Variants in GBE1 observed in about 807,000 individuals in gnomAD.
GBE1 encodes 1,4-alpha-glucan-branching enzyme.
A neutral mutation model predicts 88.8 loss-of-function variants in GBE1; 70 were observed. The observed-to-expected ratio is 0.79, with a 90% CI of 0.65 to 0.96. The LOEUF is 0.96. GBE1 is among the 40% of genes least tolerant of loss of function. The pLI is 0.00. For synonymous variants in GBE1, 284 were observed against 300.1 expected (o/e 0.95, Z 0.56); for missense variants, 872 against 871.0 (o/e 1.00, Z -0.01).
intron 3 of GBE1, among the ~76,000 whole-genome samples, chr3:81,658,418 TTATAAA>T (rs1457154358): frequency 6.6e-6 from 1 of 152,104 alleles, no homozygotes; most frequent in Non-Finnish European, 1.5e-5. Context: ...AATTAGAGAA[TTATAAA>T]TATATTACAA....
chr3:81,734,922 T>C (rs576347428), intron 1 of GBE1, among the ~76,000 whole-genome samples: 5 of 152,318 alleles, frequency 3.3e-5, no homozygotes, highest in South Asian at 2.1e-4. Flanking sequence ...CTGTGTGTCA[T>C]TGAGAATAGT....
At chr3:81,491,957 T>C (rs1702441970) in intron 15 of GBE1, among the ~76,000 whole-genome samples, 1 of 152,228 alleles carries the variant, frequency 6.6e-6, no homozygotes, top group African/African-American at 2.4e-5. Flanking sequence ...ACATCAAAAG[T>C]TAAAGCAGTT....
chr3:81,602,867 A>T (rs1445794242), intron 7 of GBE1, among the ~76,000 whole-genome samples: 1 of 152,190 alleles, frequency 6.6e-6, no homozygotes, highest in Non-Finnish European at 1.5e-5. Context: ...CTTTTGAGAC[A>T]GTCTTTCCAG....
chr3:81,608,159 G>A (rs1432999356), intron 7 of GBE1, among the ~76,000 whole-genome samples: 4 of 152,126 alleles, frequency 2.6e-5, no homozygotes, highest in African/African-American at 7.2e-5. Context: ...AGGGTTTTCT[G>A]GGTCAGTGTT....
rs775630334 is a variant in GBE1, at chr3:81,705,542, C to A, written c.215G>T (p.Gly72Val). ...NEGGIDKFSR[G>V]YESFGVHRCA... ...TCTGTGGACGCCAAATGATTCATAG[C>A]CTCTGGAAAACTTATCAATACCACC... The change falls in exon 2 of 16, where the codon GGC becomes GTC. Residue 72 changes from glycine (G) to valine (V), a missense_variant. Transcript: ENST00000429644. The A allele has an allele frequency of 1.2e-5, 19 of 1,596,576 alleles. No homozygotes were observed. The highest frequency in any genetic ancestry group is 1.6e-5 in the Non-Finnish European group (19 of 1,170,684).
intron 3 of GBE1, 40 bp downstream of exon 3, chr3:81,670,798 A>C: frequency 9.1e-7 from 1 of 1,093,868 alleles, no homozygotes; most frequent in Non-Finnish European, 1.3e-6. Context: ...GATAAAAAGA[A>C]AATGATAAGT....
At chr3:81,589,505 C>CT (rs201485327) in intron 9 of GBE1, among the ~76,000 whole-genome samples, 17 of 149,330 alleles carry the variant, frequency 1.1e-4, no homozygotes, top group East Asian at 2.0e-4. Flanking sequence ...GAAGGCACAT[C>CT]TTTTTTTAAA....
chr3:81,717,193 A>G (rs1222139777), intron 1 of GBE1, among the ~76,000 whole-genome samples: 1 of 152,162 alleles, frequency 6.6e-6, no homozygotes, highest in Non-Finnish European at 1.5e-5. Flanking sequence ...TAGTCTACTG[A>G]TTTCTAGGAA....
chr3:81,684,151 A>G (rs1300591758), intron 2 of GBE1, among the ~76,000 whole-genome samples: 1 of 152,186 alleles, frequency 6.6e-6, no homozygotes, highest in Non-Finnish European at 1.5e-5. Flanking sequence ...AGAGTAACAA[A>G]GACCAAATCA....
At chr3:81,665,834 C>A (rs1001196165) in intron 3 of GBE1, among the ~76,000 whole-genome samples, 1 of 152,090 alleles carries the variant, frequency 6.6e-6, no homozygotes, top group African/African-American at 2.4e-5. Flanking sequence ...AGAAAATGAA[C>A]ATTTTGTTCT....
intron 3 of GBE1, among the ~76,000 whole-genome samples, chr3:81,669,739 AT>A (rs1162034421): frequency 2.6e-5 from 4 of 152,002 alleles, no homozygotes; most frequent in Non-Finnish European, 5.9e-5. Flanking sequence ...TACTGTCAGT[AT>A]TTTTCTCTTT....
intron 14 of GBE1, chr3:81,534,941 C>T (rs1356620993): frequency 2.8e-6 from 1 of 355,160 alleles, no homozygotes; most frequent in African/African-American, 2.2e-5. Flanking sequence ...AGATCCACAG[C>T]TCTTTCCTTT....
intron 12 of GBE1, among the ~76,000 whole-genome samples, chr3:81,569,291 A>C (rs1171218607): frequency 6.6e-6 from 1 of 152,222 alleles, no homozygotes; most frequent in African/African-American, 2.4e-5. Flanking sequence ...CTTTGGTTTC[A>C]ATGCTAAGAT....
chr3:81,539,694 G>T (rs1003942491), intron 12 of GBE1, among the ~76,000 whole-genome samples: 2 of 151,976 alleles, frequency 1.3e-5, no homozygotes, highest in Non-Finnish European at 2.9e-5. Flanking sequence ...GCGACAGTGA[G>T]GAAAAGGAAA....
chr3:81,546,214 A>T (rs868132773), intron 12 of GBE1, among the ~76,000 whole-genome samples: 1 of 151,528 alleles, frequency 6.6e-6, no homozygotes, highest in Admixed American at 6.6e-5. Flanking sequence ...ACACACACAC[A>T]AACTCACACA....
chr3:81,756,594 C>A (rs1706605236), intron 1 of GBE1, among the ~76,000 whole-genome samples: 1 of 152,136 alleles, frequency 6.6e-6, no homozygotes. Context: ...AGTGGATGAG[C>A]ATGCATAGGA....
intron 12 of GBE1, among the ~76,000 whole-genome samples, chr3:81,569,452 T>C (rs1267188707): frequency 6.6e-6 from 1 of 152,154 alleles, no homozygotes; most frequent in Non-Finnish European, 1.5e-5. Flanking sequence ...CACCAGTGAG[T>C]AGAAGATGTG....
At chr3:81,525,824 G>T (rs1412524902) in intron 14 of GBE1, among the ~76,000 whole-genome samples, 2 of 152,036 alleles carry the variant, frequency 1.3e-5, no homozygotes, top group African/African-American at 4.8e-5. Flanking sequence ...TTGCGCAGAG[G>T]TGTTTCTAGT....
intron 1 of GBE1, among the ~76,000 whole-genome samples, chr3:81,713,113 G>A (rs890704406): frequency 2.0e-5 from 3 of 152,188 alleles, no homozygotes; most frequent in Non-Finnish European, 4.4e-5. Context: ...TGTGCAATGG[G>A]AAACAATGTC....
Sources: gnomAD v4.1 joint callset for allele counts (sites outside exome capture counted in the v4.1 genomes callset) on GRCh38, gnomAD v4.1.1 for gene constraint, MANE v1.5 for transcripts, NCBI Gene and HGNC (gene_info 2026-07-23, HGNC 2026-07-21) for gene names.